Variants in PIAS1 observed in about 807,000 individuals in gnomAD.
PIAS1 encodes the protein protein inhibitor of activated STAT 1.
A neutral mutation model predicts 71.3 loss-of-function variants in PIAS1; 6 were observed. The ratio of observed to expected loss-of-function variants is 0.08; its 90% CI spans 0.05 to 0.17. The LOEUF (loss-of-function observed/expected upper bound fraction) is 0.17, where lower values mean the gene tolerates loss of function less well. Among genes scored for constraint, PIAS1 ranks in the 10% least tolerant of loss-of-function variants. The pLI, the probability that PIAS1 is intolerant of heterozygous loss-of-function variation, is 1.00. For missense variants in PIAS1, 555 were observed against 793.6 expected (o/e 0.70, Z 3.61); for synonymous variants, 303 against 292.9 (o/e 1.03, Z -0.35).
At chr15:68,121,820 G>A (rs1484778243) in intron 2 of PIAS1, among the ~76,000 whole-genome samples, 3 of 151,988 alleles carry the variant, frequency 2.0e-5, no homozygotes, top group South Asian at 2.1e-4. Context: ...TAGACCTGGA[G>A]GACAGCTCAC....
chr15:68,103,986 T>TA (rs1434210960), intron 2 of PIAS1, among the ~76,000 whole-genome samples: 14 of 152,200 alleles, frequency 9.2e-5, no homozygotes, highest in Admixed American at 9.2e-4. Context: ...TATGGTAACT[T>TA]TGTTTAACCT....
Position 68,110,691 on chromosome 15 carries a change from A to G in PIAS1, c.469+23941A>G, listed in dbSNP as rs1023861629. 2.6e-5 allele frequency among the ~76,000 whole-genome samples: 4 copies of G among 151,942 alleles called. No individual in the cohort carries two copies. The South Asian group carries it at 8.3e-4, about 32-fold the overall frequency. On this transcript the variant is annotated intron_variant, in intron 2 of 13. Coordinates refer to ENST00000249636, the MANE Select transcript of PIAS1 (RefSeq NM_016166.3). Reference sequence around the variant, plus strand: ...GTGCAAGGATCACTTGAGCCTGGGGAGATCAAGGCTGCACTCCAGTCTGGG... The same window carrying G: ...GTGCAAGGATCACTTGAGCCTGGGGGGATCAAGGCTGCACTCCAGTCTGGG...
intron 11 of PIAS1, among the ~76,000 whole-genome samples, chr15:68,179,654 C>T (rs921000231): frequency 1.1e-4 from 15 of 141,940 alleles, no homozygotes; most frequent in Non-Finnish European, 2.3e-4. Context: ...TGGCTCACCA[C>T]ACCCTCCGCC....
At position 68,113,254 on chromosome 15, in the gene PIAS1, T is replaced by G. The variant is rs150460306; in HGVS notation, c.469+26504T>G. On this transcript the variant is annotated intron_variant, in intron 2 of 13. Transcript: ENST00000249636. ...ATGTATAGGAAAATGCCTAGAAGATTGTATACCAAAATGTTTTTCAGCTGC... is the reference window on the plus strand; with the variant it reads ...ATGTATAGGAAAATGCCTAGAAGATGGTATACCAAAATGTTTTTCAGCTGC... 3.0e-4 allele frequency among the ~76,000 whole-genome samples: 45 copies of G among 152,306 alleles called. 2 individuals are homozygous for G. The East Asian group carries it at 3.3e-3, about 11-fold the overall frequency.
chr15:68,146,755 C>G, intron 6 of PIAS1, 55 bp downstream of exon 6: 1 of 1,224,008 alleles, frequency 8.2e-7, no homozygotes, highest in Non-Finnish European at 1.2e-6. Flanking sequence ...GGGTTAATCA[C>G]CATGCCTATC....
At chr15:68,091,964 A>G (rs1197323432) in intron 2 of PIAS1, among the ~76,000 whole-genome samples, 2 of 152,204 alleles carry the variant, frequency 1.3e-5, no homozygotes, top group East Asian at 1.9e-4. Context: ...AAGTCGAGCC[A>G]TCTGTAGTCA....
intron 2 of PIAS1, among the ~76,000 whole-genome samples, chr15:68,135,390 A>G (rs868615130): frequency 0.021 from 419 of 19,848 alleles, 2 homozygotes; most frequent in African/African-American, 0.04. Context: ...CCGCCCTCCC[A>G]GACGGGGCGG....
In PIAS1 at chr15:68,187,210, A is replaced by G. The variant is rs1217241706; in HGVS notation, c.1663-332A>G. The stretch of plus-strand genomic sequence containing the variant: ...CTTGGCTAAGTATCTCCTTACTAGC[A>G]AGAGCATGGACTGTCTGCCCCTCCT... On this transcript the variant is annotated intron_variant, in intron 13 of 13. Coordinates refer to ENST00000249636, the MANE Select transcript of PIAS1 (RefSeq NM_016166.3). This position sits in a 1 kb window ranked among gnomAD's most constrained non-coding sequence, Gnocchi z 5.3. Among the ~76,000 whole-genome samples, 1 of 152,246 alleles carries G rather than the reference A, an allele frequency of 6.6e-6. No homozygotes were observed. Among genetic ancestry groups the G allele is most frequent in the African/African-American group, 2.4e-5 (1 of 41,462 alleles).
At chr15:68,164,610 A>G (rs191030763) in intron 7 of PIAS1, 121 bp from the exon 8 acceptor site, 46 of 510,950 alleles carry the variant, frequency 9.0e-5, no homozygotes, top group East Asian at 5.6e-4. Flanking sequence ...TTTCCATTCA[A>G]TTGATTGGGA....
At chr15:68,083,397 C>T (rs894094524) in intron 1 of PIAS1, among the ~76,000 whole-genome samples, 2 of 152,066 alleles carry the variant, frequency 1.3e-5, no homozygotes, top group Non-Finnish European at 2.9e-5. Context: ...AACAGCTGTT[C>T]CAATAATAGC....
Position 68,181,332 on chromosome 15 carries a change from A to G in PIAS1, c.1602A>G (p.Thr534=), listed in dbSNP as rs551048913. 135 of 1,613,736 alleles carry G rather than the reference A, an allele frequency of 8.4e-5. No homozygotes were observed. Among genetic ancestry groups the G allele is most frequent in the South Asian group, 1.5e-4 (14 of 91,068 alleles). ...IQDYRHPFHM[T]PMPYDLQGLD... ...ACTATAGGCATCCTTTCCACATGAC[A>G]CCCATGCCTTACGACTTACAAGGTG... The change falls in exon 12 of 14, where the codon ACA becomes ACG. Residue 534 remains threonine (T), a synonymous_variant. Transcript: ENST00000249636.
At chr15:68,085,325 C>T (rs2092269768) in intron 1 of PIAS1, among the ~76,000 whole-genome samples, 4 of 152,102 alleles carry the variant, frequency 2.6e-5, no homozygotes, top group Non-Finnish European at 5.9e-5. Flanking sequence ...CCATTTTCCA[C>T]CACTTTAAAA....
In PIAS1 at chr15:68,187,116, A is replaced by G. The variant is rs2093093028; in HGVS notation, c.1663-426A>G. 6.6e-6 allele frequency among the ~76,000 whole-genome samples: 1 copy of G among 152,216 alleles called. No homozygotes were observed. The highest frequency in any genetic ancestry group is 2.4e-5 in the African/African-American group (1 of 41,450). On this transcript the variant is annotated intron_variant, in intron 13 of 13. Coordinates refer to ENST00000249636, the MANE Select transcript of PIAS1 (RefSeq NM_016166.3). This position sits in a 1 kb window ranked among gnomAD's most constrained non-coding sequence, Gnocchi z 5.3. Reference sequence around the variant, plus strand: ...TGGTGCCTGAGTGTATAATAAGAACAGTGTCTGTTGGTTTCCAGTACTGTT... The same window carrying G: ...TGGTGCCTGAGTGTATAATAAGAACGGTGTCTGTTGGTTTCCAGTACTGTT...
At position 68,054,417 on chromosome 15, in the gene PIAS1, G is replaced by A. The variant is rs1217217184; in HGVS notation, c.24+67G>A. 1 of 1,516,260 alleles carries A rather than the reference G, an allele frequency of 6.6e-7. No homozygotes were observed. Among genetic ancestry groups the A allele is most frequent in the Non-Finnish European group, 9.0e-7 (1 of 1,117,060 alleles). The allele number at this position is 1,516,260 out of a possible 1,614,324, so 93.9% of individuals were successfully genotyped here. On this transcript the variant is annotated intron_variant, in intron 1 of 13. Coordinates refer to ENST00000249636, the MANE Select transcript of PIAS1 (RefSeq NM_016166.3). The surrounding 1 kb of genome is among the most constrained non-coding windows in gnomAD (Gnocchi z 4.6). ...AGACGGCGCCGCTGCTGCCAGGGGG[G>A]ATGGGTCCGACCCTGGGGGGCCTCT...
intron 1 of PIAS1, among the ~76,000 whole-genome samples, chr15:68,058,151 G>A (rs917057699): frequency 3.9e-5 from 6 of 152,178 alleles, no homozygotes; most frequent in East Asian, 1.9e-4. Context: ...AAGTATCCAA[G>A]TCTCAGAAAA....
chr15:68,180,608 G>C (rs1426736985), intron 11 of PIAS1, among the ~76,000 whole-genome samples: 1 of 98,504 alleles, frequency 1.0e-5, no homozygotes, highest in Non-Finnish European at 2.2e-5. Context: ...ATTTCTTCTT[G>C]TTTCACTACA....
intron 2 of PIAS1, among the ~76,000 whole-genome samples, chr15:68,122,120 C>A (rs1595742705): frequency 6.6e-6 from 1 of 152,216 alleles, no homozygotes; most frequent in African/African-American, 2.4e-5. Flanking sequence ...CAGAGCAAGA[C>A]CCTGTCTCAA....
At chr15:68,163,382 A>G (rs1355406214) in intron 7 of PIAS1, among the ~76,000 whole-genome samples, 1 of 152,206 alleles carries the variant, frequency 6.6e-6, no homozygotes, top group African/African-American at 2.4e-5. Flanking sequence ...CCTGTGAAAT[A>G]TATTAAGACT....
At chr15:68,158,081 C>A (rs531024041) in intron 7 of PIAS1, among the ~76,000 whole-genome samples, 1 of 152,158 alleles carries the variant, frequency 6.6e-6, no homozygotes, top group Non-Finnish European at 1.5e-5. Context: ...TAAAATCTTA[C>A]CATTCTCATT....
Sources: gnomAD v4.1 joint callset for allele counts (sites outside exome capture counted in the v4.1 genomes callset) on GRCh38, gnomAD v4.1.1 for gene constraint, Gnocchi (gnomAD v3.1) non-coding constraint, MANE v1.5 for transcripts, NCBI Gene and HGNC (gene_info 2026-07-23, HGNC 2026-07-21) for gene names.